Variants in S100A9 observed in about 807,000 individuals in gnomAD.
S100A9 encodes S100 calcium binding protein A9, also known as protein S100-A9.
S100A9 carries 2 observed loss-of-function variants against 4.3 expected under a neutral mutation model. The ratio of observed to expected loss-of-function variants is 0.47; its 90% CI spans 0.19 to 1.48. The LOEUF (loss-of-function observed/expected upper bound fraction) is 1.48, where lower values mean the gene tolerates loss of function less well. Among genes scored for constraint, S100A9 ranks in the 40% most tolerant of loss-of-function variants. The pLI is 0.24. For synonymous variants in S100A9, 67 were observed against 54.0 expected (o/e 1.24, Z -1.06); for missense variants, 130 against 144.4 (o/e 0.90, Z 0.51).
intron 2 of S100A9, 54 bp from the exon 3 acceptor site, chr1:153,360,590 A>G: frequency 1.6e-6 from 2 of 1,226,792 alleles, no homozygotes; most frequent in Non-Finnish European, 2.3e-6. Flanking sequence ...CTGTGCTCCC[A>G]GTCCCCACCT....
At position 153,360,899 on chromosome 1, in the gene S100A9, C is replaced by A; in HGVS notation, c.*61C>A. The A allele has an allele frequency of 7.5e-7, 1 of 1,332,724 alleles. No individual in the cohort carries two copies. The highest frequency in any genetic ancestry group is 1.0e-6 in the Non-Finnish European group (1 of 984,866). The allele number at this position is 1,332,724 out of a possible 1,614,324, so 82.6% of individuals were successfully genotyped here. ...CGGCCACAGTCATGGTGGCCACGGC[C>A]ACAGCCACTAATCAGGAGGCCAGGC... On this transcript the variant is annotated 3_prime_UTR_variant, in exon 3 of 3. Coordinates refer to ENST00000368738, the MANE Select transcript of S100A9 (RefSeq NM_002965.4).
intron 2 of S100A9, among the ~76,000 whole-genome samples, chr1:153,359,448 C>G (rs1166846469): frequency 6.6e-6 from 1 of 152,104 alleles, no homozygotes; most frequent in Non-Finnish European, 1.5e-5. Context: ...CCTATGCCCG[C>G]TTCACCCCCC....
intron 2 of S100A9, 147 bp from the exon 3 acceptor site, chr1:153,360,497 G>A (rs958078418): frequency 4.6e-5 from 27 of 591,604 alleles, no homozygotes; most frequent in Middle Eastern, 3.8e-4. Flanking sequence ...TCCATTGTGC[G>A]CACTCAGCCT....
intron 1 of S100A9, 130 bp from the exon 2 acceptor site, chr1:153,358,139 G>A (rs1661379630): frequency 7.1e-6 from 4 of 566,658 alleles, no homozygotes; most frequent in South Asian, 3.0e-5. Context: ...TCCCAGTTAA[G>A]TTGCAGCCTG....
chr1:153,359,680 CTTTTT>C (rs34039196), intron 2 of S100A9, among the ~76,000 whole-genome samples: 3 of 83,916 alleles, frequency 3.6e-5, no homozygotes, highest in Admixed American at 1.5e-4. Flanking sequence ...GATGTCTCTC[CTTTTT>C]TTTTTTTTTT....
chr1:153,358,349 C>T lies in S100A9; in HGVS notation c.66C>T (p.Tyr22=), dbSNP rs1160127030. 8 of 1,613,094 alleles carry T rather than the reference C, an allele frequency of 5.0e-6. No homozygotes were observed. The highest frequency in any genetic ancestry group is 6.8e-6 in the Non-Finnish European group (8 of 1,179,370). ...IETIINTFHQ[Y]SVKLGHPDTL... is the part of the protein sequence containing the mutation. The stretch of plus-strand genomic sequence containing the variant: ...CCATCATCAACACCTTCCACCAATA[C>T]TCTGTGAAGCTGGGGCACCCAGACA... Residue 22 remains tyrosine (Y), a synonymous_variant, in exon 2 of 3, where the codon TAC becomes TAT. Coordinates refer to ENST00000368738, the MANE Select transcript of S100A9 (RefSeq NM_002965.4).
chr1:153,360,891 G>T lies in S100A9; in HGVS notation c.*53G>T. On this transcript the variant is annotated 3_prime_UTR_variant, in exon 3 of 3. Coordinates refer to ENST00000368738, the MANE Select transcript of S100A9 (RefSeq NM_002965.4). The stretch of plus-strand genomic sequence containing the variant: ...CACGGCCACGGCCACAGTCATGGTG[G>T]CCACGGCCACAGCCACTAATCAGGA... 7.2e-7 allele frequency: 1 copy of T among 1,381,160 alleles called. No homozygotes were observed. Among genetic ancestry groups the T allele is most frequent in the Non-Finnish European group, 9.7e-7 (1 of 1,025,798 alleles). The allele number at this position is 1,381,160 out of a possible 1,614,324, so 85.6% of individuals were successfully genotyped here.
At position 153,360,736 on chromosome 1, in the gene S100A9, G is replaced by C; in HGVS notation, c.243G>C (p.Met81Ile). 6.2e-7 allele frequency: 1 copy of C among 1,614,126 alleles called. No homozygotes were observed. The change falls in exon 3 of 3, where the codon ATG becomes ATC. Residue 81 changes from methionine to isoleucine, a missense_variant. Met to Ile is a conservative substitution (Grantham distance 10, BLOSUM62 1). Coordinates refer to ENST00000368738, the MANE Select transcript of S100A9 (RefSeq NM_002965.4). ...DKQLSFEEFIMLMARLTWASH... is the reference protein window; with the variant it reads ...DKQLSFEEFIILMARLTWASH... ...AGCTGAGCTTCGAGGAGTTCATCAT[G>C]CTGATGGCGAGGCTAACCTGGGCCT...
chr1:153,358,485 AC>A, intron 2 of S100A9, 52 bp downstream of exon 2: 1 of 1,443,518 alleles, frequency 6.9e-7, no homozygotes, highest in Non-Finnish European at 9.3e-7. Context: ...GTTTGGGTTG[AC>A]AAGGGAGGAT....
chr1:153,358,238 G>T (rs778388532), intron 1 of S100A9, 31 bp from the exon 2 acceptor site: 1 of 1,457,808 alleles, frequency 6.9e-7, no homozygotes, highest in South Asian at 1.4e-5. Flanking sequence ...TTTCTTCTAA[G>T]TGTCCCAACT....
At position 153,360,541 on chromosome 1, in the gene S100A9, G is replaced by T. The variant is rs534360891; in HGVS notation, c.151-103G>T. 2.2e-3 allele frequency: 1,648 copies of T among 748,414 alleles called. 5 individuals are homozygous for T. Among genetic ancestry groups the T allele is most frequent in the Non-Finnish European group, 3.1e-3 (1,369 of 440,498 alleles). The allele number at this position is 748,414 out of a possible 1,614,324, so 46.4% of individuals were successfully genotyped here. A position where few individuals can be genotyped will look rare whatever the true frequency, so the allele number is the denominator to read the frequency against. ...TTTTAATTTTTAAATCCAGCCCCAGGGTGAGGCTTCCCTTGTACATTTGCC... is the reference window on the plus strand; with the variant it reads ...TTTTAATTTTTAAATCCAGCCCCAGTGTGAGGCTTCCCTTGTACATTTGCC... On this transcript the variant is annotated intron_variant, in intron 2 of 2. Transcript: ENST00000368738.
At position 153,360,904 on chromosome 1, in the gene S100A9, C is replaced by T. The variant is rs1338480932; in HGVS notation, c.*66C>T. On this transcript the variant is annotated 3_prime_UTR_variant, in exon 3 of 3. Transcript: ENST00000368738. Reference sequence around the variant, plus strand: ...ACAGTCATGGTGGCCACGGCCACAGCCACTAATCAGGAGGCCAGGCCACCC... The same window carrying T: ...ACAGTCATGGTGGCCACGGCCACAGTCACTAATCAGGAGGCCAGGCCACCC... 4.6e-6 allele frequency: 6 copies of T among 1,303,542 alleles called. No individual in the cohort carries two copies. Among genetic ancestry groups the T allele is most frequent in the Non-Finnish European group, 6.2e-6 (6 of 962,334 alleles). The allele number at this position is 1,303,542 out of a possible 1,614,324, so 80.7% of individuals were successfully genotyped here. A position where few individuals can be genotyped will look rare whatever the true frequency, so the allele number is the denominator to read the frequency against.
chr1:153,358,287 A>G lies in S100A9; in HGVS notation c.4A>G (p.Thr2Ala). Reference sequence around the variant, plus strand: ...TACACAGACAGAGTGCAAGACGATGACTTGCAAAATGTCGCAGCTGGAACG... The same window carrying G: ...TACACAGACAGAGTGCAAGACGATGGCTTGCAAAATGTCGCAGCTGGAACG... M[T>A]CKMSQLERNI... The change falls in exon 2 of 3, where the codon ACT becomes GCT. Residue 2 changes from threonine to alanine, a missense_variant. Physicochemically the swap from Thr to Ala is moderately conservative, Grantham distance 58 (BLOSUM62 0). Coordinates refer to ENST00000368738, the MANE Select transcript of S100A9 (RefSeq NM_002965.4). The G allele has an allele frequency of 1.3e-6, 2 of 1,594,044 alleles. No homozygotes were observed. Among genetic ancestry groups the G allele is most frequent in the East Asian group, 4.5e-5 (2 of 44,470 alleles).
intron 1 of S100A9, 29 bp from the exon 2 acceptor site, chr1:153,358,240 G>A: frequency 6.8e-7 from 1 of 1,478,008 alleles, no homozygotes; most frequent in Non-Finnish European, 9.1e-7. Context: ...TCTTCTAAGT[G>A]TCCCAACTCT....
At chr1:153,358,482 T>C in intron 2 of S100A9, 49 bp downstream of exon 2, 2 of 1,473,728 alleles carry the variant, frequency 1.4e-6, no homozygotes, top group Non-Finnish European at 1.8e-6. Flanking sequence ...GCAGTTTGGG[T>C]TGACAAGGGA....
At chr1:153,359,084 G>A (rs1025525835) in intron 2 of S100A9, among the ~76,000 whole-genome samples, 11 of 152,118 alleles carry the variant, frequency 7.2e-5, no homozygotes, top group African/African-American at 2.2e-4. Flanking sequence ...TTTTTCCCCC[G>A]CTCCAAAAAT....
In S100A9 at chr1:153,358,458, G is replaced by C. The variant is rs763894453; in HGVS notation, c.150+25G>C. The C allele has an allele frequency of 2.6e-6, 4 of 1,553,586 alleles. No individual in the cohort carries two copies. In the Admixed American group the frequency reaches 5.8e-5, roughly 22 times the overall value. On this transcript the variant is annotated intron_variant, in intron 2 of 2. Coordinates refer to ENST00000368738, the MANE Select transcript of S100A9 (RefSeq NM_002965.4). The stretch of plus-strand genomic sequence containing the variant: ...GGTAGGGCTGGACTCTGGCAGGTCT[G>C]ACCCAGCCTCACCGCAGTTTGGGTT...
intron 2 of S100A9, among the ~76,000 whole-genome samples, chr1:153,360,022 G>A (rs1328401776): frequency 6.6e-6 from 1 of 151,966 alleles, no homozygotes; most frequent in Non-Finnish European, 1.5e-5. Flanking sequence ...CACCCTTGAG[G>A]TCAGCGGAGC....
intron 1 of S100A9, 117 bp downstream of exon 1, chr1:153,357,998 C>T: frequency 8.7e-6 from 2 of 228,918 alleles, no homozygotes; most frequent in Non-Finnish European, 1.7e-5. Flanking sequence ...TTGGCCCTGC[C>T]TACTTTAAAG....
Sources: gnomAD v4.1 joint callset for allele counts (sites outside exome capture counted in the v4.1 genomes callset) on GRCh38, gnomAD v4.1.1 for gene constraint, MANE v1.5 for transcripts, NCBI Gene and HGNC (gene_info 2026-07-23, HGNC 2026-07-21) for gene names.